The following TRNT1 variants were observed in gnomAD, a reference collection of about 807,000 sequenced individuals.
The protein encoded by TRNT1 is tRNA nucleotidyl transferase 1.
TRNT1 carries 44 observed loss-of-function variants against 45.6 expected under a neutral mutation model. The observed-to-expected ratio is 0.97, with a 90% confidence interval of 0.76 to 1.24. TRNT1 has a LOEUF of 1.24. Among genes scored for constraint, TRNT1 ranks in the 50% most tolerant of loss-of-function variants. The pLI is 0.00. For synonymous variants in TRNT1, 201 were observed against 171.4 expected (o/e 1.17, Z -1.35); for missense variants, 633 against 504.4 (o/e 1.25, Z -2.44).
chr3:3,131,291 C>T, intron 2 of TRNT1: 1 of 151,952 alleles, frequency 6.6e-6, no homozygotes. Flanking sequence ...CCTTCACAGC[C>T]CCCAATTTTT....
At chr3:3,150,960 G>C (rs1706495850), downstream of TRNT1, 1 of 1,614,030 alleles carries the variant, frequency 6.2e-7, no homozygotes, top group East Asian at 2.2e-5. Context: ...CAAAATTTTT[G>C]AGGTGACATG....
At chr3:3,133,741 A>C in intron 2 of TRNT1, among the ~76,000 whole-genome samples, 1 of 152,036 alleles carries the variant, frequency 6.6e-6, no homozygotes, top group East Asian at 2.0e-4. Flanking sequence ...ATCATGTTAA[A>C]ATATAGCACG....
In TRNT1 at chr3:3,148,235, A is replaced by G; in HGVS notation, c.*81A>G. ...CCCTCTTAATGAGGTTTTAGAGACTACACCAGAATAAAAGACAGTTTAGGG... is the reference window on the plus strand; with the variant it reads ...CCCTCTTAATGAGGTTTTAGAGACTGCACCAGAATAAAAGACAGTTTAGGG... On this transcript the variant is annotated 3_prime_UTR_variant, in exon 8 of 8. Coordinates refer to ENST00000251607, the MANE Select transcript of TRNT1 (RefSeq NM_182916.3). 2.7e-6 allele frequency: 4 copies of G among 1,480,770 alleles called. No homozygotes were observed. Among genetic ancestry groups the G allele is most frequent in the Middle Eastern group, 4.9e-4 (2 of 4,078 alleles). The allele number at this position is 1,480,770 out of a possible 1,614,324, so 91.7% of individuals were successfully genotyped here. A position where few individuals can be genotyped will look rare whatever the true frequency, so the allele number is the denominator to read the frequency against.
Position 3,137,186 on chromosome 3 carries a change from G to C in TRNT1, c.149-74G>C, listed in dbSNP as rs1310231659. On this transcript the variant is annotated intron_variant, in intron 2 of 7. Coordinates refer to ENST00000251607, the MANE Select transcript of TRNT1 (RefSeq NM_182916.3). ...TGTTCCAACTAGATGGAAAAGCCTT[G>C]TACTTTTGTGGTTAAAATAAACACA... 4.0e-6 allele frequency: 5 copies of C among 1,239,322 alleles called. No homozygotes were observed. In the East Asian group the frequency reaches 1.3e-4, roughly 31 times the overall value. 76.8% of individuals were successfully genotyped at this position (1,239,322 alleles called of 1,614,324 possible). A position where few individuals can be genotyped will look rare whatever the true frequency, so the allele number is the denominator to read the frequency against.
rs2126040183 is a variant in TRNT1 at position 3,148,793 on chromosome 3, A to G, written c.*639A>G. On this transcript the variant is annotated 3_prime_UTR_variant, in exon 8 of 8. Coordinates refer to ENST00000251607, the MANE Select transcript of TRNT1 (RefSeq NM_182916.3). ...AAGTCATGGGATTAACTTGAGGGTCACTATTGAGCCTATTAATTAATTATT... is the reference window on the plus strand; with the variant it reads ...AAGTCATGGGATTAACTTGAGGGTCGCTATTGAGCCTATTAATTAATTATT... 1 of 142,140 alleles carries G rather than the reference A, an allele frequency of 7.0e-6. No homozygotes were observed. The highest frequency in any genetic ancestry group is 2.0e-4 in the East Asian group (1 of 5,128). 8.8% of individuals were successfully genotyped at this position (142,140 alleles called of 1,614,324 possible).
intron 6 of TRNT1, among the ~76,000 whole-genome samples, chr3:3,146,848 T>A (rs1706062988): frequency 6.6e-6 from 1 of 152,128 alleles, no homozygotes; most frequent in Non-Finnish European, 1.5e-5. Context: ...AGACCTAGGT[T>A]TGAAGGAAGC....
At chr3:3,152,444 CCAT>C (rs1415119833), downstream of TRNT1, 2 of 1,611,834 alleles carry the variant, frequency 1.2e-6, no homozygotes, top group Non-Finnish European at 1.7e-6. Context: ...GCAACCACCA[CCAT>C]AATATTACCC....
chr3:3,146,352 C>A, intron 5 of TRNT1, 78 bp from the exon 6 acceptor site: 1 of 1,120,210 alleles, frequency 8.9e-7, no homozygotes, highest in Non-Finnish European at 1.3e-6. Flanking sequence ...TGGGATAGTA[C>A]CAATAAAAAT....
intron 2 of TRNT1, among the ~76,000 whole-genome samples, chr3:3,136,378 AT>A (rs1028956443): frequency 3.3e-5 from 5 of 152,194 alleles, no homozygotes; most frequent in African/African-American, 1.2e-4. Flanking sequence ...GGAGTCAGCT[AT>A]GTAGTTGCTT....
intron 2 of TRNT1, chr3:3,129,837 T>A (rs922483716): frequency 1.3e-6 from 2 of 1,545,928 alleles, no homozygotes; most frequent in Non-Finnish European, 1.7e-6. Flanking sequence ...CTGTAACTAC[T>A]AACTAGAGAG....
At chr3:3,129,812 G>A (rs1318516805) in intron 2 of TRNT1, 1 of 1,480,148 alleles carries the variant, frequency 6.8e-7, no homozygotes, top group African/African-American at 1.4e-5. Flanking sequence ...CATGTGAAGT[G>A]CTTTGCCTGT....
rs549500065 is a variant in TRNT1 at position 3,138,726 on chromosome 3, T to A, written c.342+1273T>A. ...GACAACTTCTGTGGTCTTGTAGAAT[T>A]TCAAGAGGTCTTTCTTAGTATATTT... On this transcript the variant is annotated intron_variant, in intron 3 of 7. Transcript: ENST00000251607. Among the ~76,000 whole-genome samples the A allele has an allele frequency of 1.8e-4, 28 of 152,322 alleles. No homozygotes were observed. In the South Asian group the frequency reaches 5.4e-3, roughly 29 times the overall value.
chr3:3,136,730 C>CT, intron 2 of TRNT1: 1 of 406,266 alleles, frequency 2.5e-6, no homozygotes, highest in Non-Finnish European at 4.8e-6. Flanking sequence ...TCATAGCTCA[C>CT]CGCAGCCTTG....
chr3:3,147,142 G>A (rs1706091973), intron 6 of TRNT1, among the ~76,000 whole-genome samples: 1 of 152,146 alleles, frequency 6.6e-6, no homozygotes, highest in Non-Finnish European at 1.5e-5. Context: ...TCTTGTATCA[G>A]TGTAAAGTCA....
In TRNT1 at chr3:3,148,934, T is replaced by TTAA. The variant is rs1706260301; in HGVS notation, c.*782_*784dup. The TTAA allele has an allele frequency of 6.6e-6, 1 of 152,146 alleles. No individual in the cohort carries two copies. Among genetic ancestry groups the TTAA allele is most frequent in the African/African-American group, 2.4e-5 (1 of 41,438 alleles). The allele number at this position is 152,146 out of a possible 1,614,324, so 9.4% of individuals were successfully genotyped here. A position where few individuals can be genotyped will look rare whatever the true frequency, so the allele number is the denominator to read the frequency against. On this transcript the variant is annotated 3_prime_UTR_variant, in exon 8 of 8. Transcript: ENST00000251607. The stretch of plus-strand genomic sequence containing the variant: ...TGCCTGTCTTTAAAGTGTTATTTTA[T>TTAA]TAATTAAAAGGATATGGCTATTATT...
intron 6 of TRNT1, among the ~76,000 whole-genome samples, chr3:3,147,188 C>T (rs970069717): frequency 5.3e-5 from 8 of 152,112 alleles, no homozygotes; most frequent in African/African-American, 1.7e-4. Context: ...CCTTGTGAGT[C>T]TGACACCACT....
intron 3 of TRNT1, among the ~76,000 whole-genome samples, chr3:3,139,646 C>T (rs188261590): frequency 6.6e-4 from 100 of 152,314 alleles, no homozygotes; most frequent in African/African-American, 1.9e-3. Context: ...TTGGCACAGA[C>T]GCCACCCTAA....
intron 2 of TRNT1, chr3:3,129,896 G>T (rs183070066): frequency 5.2e-6 from 8 of 1,550,456 alleles, no homozygotes; most frequent in Admixed American, 2.0e-5. Flanking sequence ...GCTTGCAACC[G>T]CTAAGCTCTG....
At chr3:3,134,165 G>A (rs1393730070) in intron 2 of TRNT1, among the ~76,000 whole-genome samples, 1 of 152,126 alleles carries the variant, frequency 6.6e-6, no homozygotes, top group Admixed American at 6.5e-5. Context: ...TTATTTCATT[G>A]AATGTAGCTC....
Sources: allele counts gnomAD v4.1 joint callset (sites outside exome capture counted in the v4.1 genomes callset), GRCh38; gene constraint gnomAD v4.1.1; transcripts MANE v1.5; gene names NCBI Gene and HGNC (gene_info 2026-07-23, HGNC 2026-07-21).